The following PTPRN2 variants were observed in gnomAD, a reference collection of about 807,000 sequenced individuals.
The protein encoded by PTPRN2 is receptor-type tyrosine-protein phosphatase N2.
Under a neutral mutation model 118.8 loss-of-function variants are expected in PTPRN2, and 74 were observed. The observed-to-expected ratio is 0.62, with a 90% confidence interval of 0.52 to 0.76. The LOEUF is 0.76. Among genes scored for constraint, PTPRN2 ranks in the 30% least tolerant of loss-of-function variants. The pLI is 0.00. For missense variants in PTPRN2, 1,481 were observed against 1,394.4 expected, an observed-to-expected ratio of 1.06 and a Z score of -0.99; for synonymous variants, 641 against 608.0, an observed-to-expected ratio of 1.05 and a Z score of -0.80.
chr7:157,810,440 G>A (rs948473426), intron 12 of PTPRN2, among the ~76,000 whole-genome samples: 6 of 150,198 alleles, frequency 4.0e-5, no homozygotes, highest in East Asian at 2.0e-4. Flanking sequence ...CCACGGGGAC[G>A]GCGGGGCTGC....
chr7:157,734,946 G>C (rs1800214756), intron 12 of PTPRN2, among the ~76,000 whole-genome samples: 1 of 152,232 alleles, frequency 6.6e-6, no homozygotes, highest in South Asian at 2.1e-4. Context: ...ACACACATCT[G>C]AGATTATTAA....
At chr7:157,799,188 A>G (rs1291509726) in intron 12 of PTPRN2, among the ~76,000 whole-genome samples, 3 of 152,120 alleles carry the variant, frequency 2.0e-5, no homozygotes, top group East Asian at 3.9e-4. Context: ...CGTGGGGAGG[A>G]AGGGCTGGGT....
chr7:157,930,476 C>T (rs1246338077), intron 11 of PTPRN2, among the ~76,000 whole-genome samples: 1 of 152,210 alleles, frequency 6.6e-6, no homozygotes, highest in East Asian at 1.9e-4. Context: ...TGCACTGGCA[C>T]CAGCTGAAGT....
At chr7:157,888,088 C>G (rs4716797) in intron 12 of PTPRN2, among the ~76,000 whole-genome samples, 128,595 of 151,204 alleles carry the variant, frequency 0.85, 54,829 homozygotes, top group East Asian at 1. Flanking sequence ...TCTGGAGAGA[C>G]AGACCCTGGT....
intron 11 of PTPRN2, among the ~76,000 whole-genome samples, chr7:157,947,734 A>T (rs1563264786): frequency 6.6e-6 from 1 of 152,214 alleles, no homozygotes; most frequent in Non-Finnish European, 1.5e-5. Context: ...AGTAGAATTG[A>T]TTCAAAGAGA....
chr7:157,755,552 G>C (rs1447258236), intron 12 of PTPRN2, among the ~76,000 whole-genome samples: 1 of 152,116 alleles, frequency 6.6e-6, no homozygotes, highest in Non-Finnish European at 1.5e-5. Flanking sequence ...ACCATAAAAA[G>C]AATGAAATCA....
At chr7:157,776,460 TCC>T (rs1803268157) in intron 12 of PTPRN2, among the ~76,000 whole-genome samples, 1 of 140,586 alleles carries the variant, frequency 7.1e-6, no homozygotes, top group Non-Finnish European at 1.5e-5. Flanking sequence ...CTCCTCCTCC[TCC>T]CTCTCCTTCT....
intron 1 of PTPRN2, chr7:158,537,648 C>T (rs1825726293): frequency 6.6e-6 from 1 of 152,526 alleles, no homozygotes; most frequent in Admixed American, 6.5e-5. Context: ...GACCCACAGA[C>T]CTGTGGGACA....
chr7:158,296,760 T>C (rs138248383), intron 3 of PTPRN2, among the ~76,000 whole-genome samples: 2,934 of 152,326 alleles, frequency 0.019, 45 homozygotes, highest in Admixed American at 0.033. Flanking sequence ...GAACTTTTCC[T>C]GTTTCACTTC....
chr7:158,065,206 G>A (rs188465388), intron 11 of PTPRN2, among the ~76,000 whole-genome samples: 6 of 152,294 alleles, frequency 3.9e-5, no homozygotes, highest in East Asian at 3.9e-4. Flanking sequence ...GAACACCAAC[G>A]TCTCTCCTGG....
intron 12 of PTPRN2, among the ~76,000 whole-genome samples, chr7:157,748,091 A>G (rs1382072702): frequency 1.3e-3 from 104 of 77,252 alleles, no homozygotes; most frequent in East Asian, 3.1e-3. Flanking sequence ...TGGGCTGTTG[A>G]GGTGATTCTG....
intron 2 of PTPRN2, among the ~76,000 whole-genome samples, chr7:158,487,227 A>T (rs1821096511): frequency 6.6e-6 from 1 of 152,212 alleles, no homozygotes; most frequent in Non-Finnish European, 1.5e-5. Context: ...ATTAACTGCT[A>T]TGAATATGGG....
rs199956851 is a variant in PTPRN2, at chr7:158,164,022, T to TA, written c.910+2908dup. ...GTTTGGAAGTCAGTTTTTATCAGAA[T>TA]ATCACCAGCATCGCAGGGTAGCTCA... is the stretch of plus-strand genomic sequence containing the variant. On this transcript the variant is annotated intron_variant, in intron 6 of 22. Transcript: ENST00000389418. Among the ~76,000 whole-genome samples, 1,296 of 152,350 alleles carry TA rather than the reference T, an allele frequency of 8.5e-3. 6 individuals are homozygous for TA. The highest frequency in any genetic ancestry group is 0.014 in the Non-Finnish European group (971 of 68,032).
intron 6 of PTPRN2, among the ~76,000 whole-genome samples, chr7:158,163,600 G>T (rs1333407312): frequency 6.7e-6 from 1 of 150,168 alleles, no homozygotes; most frequent in African/African-American, 2.5e-5. Context: ...TATTTCATAG[G>T]TGGCGCCTGT....
intron 2 of PTPRN2, among the ~76,000 whole-genome samples, chr7:158,333,181 A>C (rs59962874): frequency 0.9 from 74,216 of 82,154 alleles, 34,216 homozygotes; most frequent in Non-Finnish European, 0.93. Flanking sequence ...ACGTCACTCA[A>C]ACCCACACTC....
At chr7:157,914,250 A>G (rs56036340) in intron 11 of PTPRN2, among the ~76,000 whole-genome samples, 13,849 of 152,182 alleles carry the variant, frequency 0.091, 877 homozygotes, top group Non-Finnish European at 0.13. Flanking sequence ...AAACAGAGAG[A>G]TTCTCTGTCT....
intron 13 of PTPRN2, among the ~76,000 whole-genome samples, chr7:157,668,107 C>A (rs139959804): frequency 6.6e-6 from 1 of 152,378 alleles, no homozygotes; most frequent in Admixed American, 6.5e-5. Context: ...GCCGTAGAGC[C>A]GCCTGCTCCT....
intron 12 of PTPRN2, among the ~76,000 whole-genome samples, chr7:157,700,946 C>T (rs972880208): frequency 2.6e-5 from 4 of 152,222 alleles, no homozygotes; most frequent in Non-Finnish European, 4.4e-5. Flanking sequence ...GTGAGTGCTA[C>T]GGACTGCTCA....
At chr7:158,263,118 CACACAT>C (rs367800555) in intron 3 of PTPRN2, among the ~76,000 whole-genome samples, 2,870 of 60,800 alleles carry the variant, frequency 0.047, 98 homozygotes, top group African/African-American at 0.18. Context: ...ACACACTGCA[CACACAT>C]ACACATATAC....
Sources: gnomAD v4.1 joint callset for allele counts (sites outside exome capture counted in the v4.1 genomes callset) on GRCh38, gnomAD v4.1.1 for gene constraint, MANE v1.5 for transcripts, NCBI Gene and HGNC (gene_info 2026-07-23, HGNC 2026-07-21) for gene names.